AP3B2: variants seen among roughly 807,000 people sequenced by gnomAD.
AP3B2 encodes the protein AP-3 complex subunit beta-2.
Under a neutral mutation model 126.9 loss-of-function variants are expected in AP3B2, and 50 were observed. The ratio of observed to expected loss-of-function variants is 0.39; its 90% CI spans 0.31 to 0.50. The LOEUF (loss-of-function observed/expected upper bound fraction) is 0.50, where lower values mean the gene tolerates loss of function less well. Among genes scored for constraint, AP3B2 ranks in the 20% least tolerant of loss-of-function variants. AP3B2 has a pLI of 0.79. For synonymous variants in AP3B2, 541 were observed against 565.0 expected (o/e 0.96, Z 0.60); for missense variants, 1,177 against 1,426.4 (o/e 0.83, Z 2.82).
At chr15:82,668,013 G>A (rs577632861) in intron 14 of AP3B2, among the ~76,000 whole-genome samples, 9 of 152,322 alleles carry the variant, frequency 5.9e-5, no homozygotes, top group African/African-American at 2.2e-4. Flanking sequence ...AACTGACTCT[G>A]TTCTTCCTGA....
Position 82,664,477 on chromosome 15 carries a change from C to G in AP3B2, c.2151G>C (p.Glu717Asp). 2 of 1,613,542 alleles carry G rather than the reference C, an allele frequency of 1.2e-6. No homozygotes were observed. The highest frequency in any genetic ancestry group is 1.7e-6 in the Non-Finnish European group (2 of 1,179,722). ...TGCTGCTCTTACTGTCCGATTCACTCTCAGACTCAGGGTCTGTGGAGGAAC... is the reference window on the plus strand; with the variant it reads ...TGCTGCTCTTACTGTCCGATTCACTGTCAGACTCAGGGTCTGTGGAGGAAC... ...TESADSDPES[E>D]SESDSKSSSE... The change falls in exon 19 of 27, where the codon GAG (glutamate) becomes GAC (aspartate). Residue 717 changes from glutamate (E) to aspartate (D), a missense_variant. This residue lies in a region of AP3B2 where 587 missense variants were observed against 571.3 expected (regional missense o/e 1.03). Coordinates refer to ENST00000535359, the MANE Select transcript of AP3B2 (RefSeq NM_001278512.2). This position sits in a 1 kb window ranked among gnomAD's most constrained non-coding sequence, Gnocchi z 4.5.
At chr15:82,670,527 A>T (rs980967247) in intron 14 of AP3B2, among the ~76,000 whole-genome samples, 2 of 152,244 alleles carry the variant, frequency 1.3e-5, no homozygotes, top group Admixed American at 6.5e-5. Context: ...CCAGACCCCT[A>T]TCTCTCACCA....
At chr15:82,690,642 CTTTTT>C (rs147811093) in intron 1 of AP3B2, among the ~76,000 whole-genome samples, 57 of 68,904 alleles carry the variant, frequency 8.3e-4, no homozygotes, top group African/African-American at 3.1e-3. Flanking sequence ...TTTTCTTCTT[CTTTTT>C]TTTTTTTTTT....
Position 82,664,983 on chromosome 15 carries a change from T to A in AP3B2, c.2029-40A>T. Reference sequence around the variant, plus strand: ...AGGGTGCAGGGTCATTTCATCATGGTTGGGGAGAAGGCAGGCAGGCACAAG... The same window carrying A: ...AGGGTGCAGGGTCATTTCATCATGGATGGGGAGAAGGCAGGCAGGCACAAG... On this transcript the variant is annotated intron_variant, in intron 17 of 26. Coordinates refer to ENST00000535359, the MANE Select transcript of AP3B2 (RefSeq NM_001278512.2). The surrounding 1 kb of genome is among the most constrained non-coding windows in gnomAD (Gnocchi z 4.5). The A allele has an allele frequency of 2.0e-6, 3 of 1,484,420 alleles. No homozygotes were observed. The highest frequency in any genetic ancestry group is 2.8e-6 in the Non-Finnish European group (3 of 1,077,662). The allele number at this position is 1,484,420 out of a possible 1,614,324, so 92.0% of individuals were successfully genotyped here. A position where few individuals can be genotyped will look rare whatever the true frequency, so the allele number is the denominator to read the frequency against.
rs77591816 is a variant in AP3B2 at position 82,677,914 on chromosome 15, G to T, written c.1246-111C>A. 2,750 of 1,406,910 alleles carry T rather than the reference G, an allele frequency of 2.0e-3. 87 individuals carry two copies. In the Admixed American group the frequency reaches 0.058, roughly 30 times the overall value. 87.2% of individuals were successfully genotyped at this position (1,406,910 alleles called of 1,614,324 possible). On this transcript the variant is annotated intron_variant, in intron 11 of 26. Coordinates refer to ENST00000535359, the MANE Select transcript of AP3B2 (RefSeq NM_001278512.2). ...CTTATCATGCCGGTGACTAAGACTT[G>T]GGAAAGGGGGTGACAACTCCACCCC...
intron 4 of AP3B2, chr15:82,686,648 G>C (rs1181574507): frequency 6.6e-6 from 1 of 151,912 alleles, no homozygotes; most frequent in Non-Finnish European, 1.5e-5. Flanking sequence ...TTTAGATACA[G>C]GGTCTCCCTA....
At chr15:82,706,161 C>G (rs983294146) in intron 1 of AP3B2, among the ~76,000 whole-genome samples, 1 of 152,156 alleles carries the variant, frequency 6.6e-6, no homozygotes, top group Non-Finnish European at 1.5e-5. Flanking sequence ...AAATCACAAA[C>G]TATGCTCAAC....
At chr15:82,689,553 C>G in intron 1 of AP3B2, 100 bp from the exon 2 acceptor site, 3 of 1,170,122 alleles carry the variant, frequency 2.6e-6, no homozygotes, top group Non-Finnish European at 3.7e-6. Context: ...CCAGGGGAGG[C>G]TCAGGCAGGA....
chr15:82,679,235 A>C (rs1235458623), intron 10 of AP3B2, among the ~76,000 whole-genome samples: 1 of 152,124 alleles, frequency 6.6e-6, no homozygotes, highest in East Asian at 1.9e-4. Flanking sequence ...GCAATTCTCT[A>C]GCCTCAGCCT....
Position 82,665,322 on chromosome 15 carries a change from G to GTGTT in AP3B2, c.1972-23_1972-20dup. 6.3e-7 allele frequency: 1 copy of GTGTT among 1,580,316 alleles called. No homozygotes were observed. The highest frequency in any genetic ancestry group is 8.5e-7 in the Non-Finnish European group (1 of 1,170,500). On this transcript the variant is annotated intron_variant, in intron 16 of 26. Coordinates refer to ENST00000535359, the MANE Select transcript of AP3B2 (RefSeq NM_001278512.2). This position sits in a 1 kb window ranked among gnomAD's most constrained non-coding sequence, Gnocchi z 4.4. The stretch of plus-strand genomic sequence containing the variant: ...CTTCTTCCTGTGTGTGTGGGGGAGG[G>GTGTT]TGTTAGGAGGGCTGGGCCGGCACTG...
chr15:82,664,261 C>G lies in AP3B2; in HGVS notation c.2261+106G>C. On this transcript the variant is annotated intron_variant, in intron 19 of 26. Transcript: ENST00000535359. The surrounding 1 kb of genome is among the most constrained non-coding windows in gnomAD (Gnocchi z 4.5). ...TGAGCTGACAGCCCCACCCAGCTCA[C>G]GAGGGGCTCAGGGGCTCTTAGGAGA... is the stretch of plus-strand genomic sequence containing the variant. 4 of 1,557,704 alleles carry G rather than the reference C, an allele frequency of 2.6e-6. No homozygotes were observed. In the South Asian group the frequency reaches 3.4e-5, roughly 13 times the overall value.
intron 1 of AP3B2, among the ~76,000 whole-genome samples, chr15:82,706,755 G>A (rs562891880): frequency 6.6e-6 from 1 of 152,202 alleles, no homozygotes; most frequent in Admixed American, 6.5e-5. Context: ...CCTCTTCCAT[G>A]TAGGTTACAA....
At position 82,663,190 on chromosome 15, in the gene AP3B2, C is replaced by T; in HGVS notation, c.2541G>A (p.Val847=). Residue 847 remains valine (V), a synonymous_variant, in exon 22 of 27, where the codon GTG becomes GTA. Coordinates refer to ENST00000535359, the MANE Select transcript of AP3B2 (RefSeq NM_001278512.2). ...CCAGGTCAGCAGCCAGACTGGTAGA[C>T]ACAATTGCTGGGGGAGACACAGGCT... The part of the protein sequence containing the change: ...SVQPVSPPAI[V]STSLAADLEG... 1 of 1,613,116 alleles carries T rather than the reference C, an allele frequency of 6.2e-7. No homozygotes were observed. The highest frequency in any genetic ancestry group is 8.5e-7 in the Non-Finnish European group (1 of 1,179,762).
At position 82,680,337 on chromosome 15, in the gene AP3B2, A is replaced by G; in HGVS notation, c.1056-108T>C. The G allele has an allele frequency of 1.3e-6, 2 of 1,541,548 alleles. No homozygotes were observed. Among genetic ancestry groups the G allele is most frequent in the Non-Finnish European group, 1.8e-6 (2 of 1,135,952 alleles). On this transcript the variant is annotated intron_variant, in intron 8 of 26. Coordinates refer to ENST00000535359, the MANE Select transcript of AP3B2 (RefSeq NM_001278512.2). The surrounding 1 kb of genome is among the most constrained non-coding windows in gnomAD (Gnocchi z 6.1). ...CGTTGCGGGGAGAGGACCAGTGCGGAGGGCAGGACTACGGTCAGTGTGGAG... is the reference window on the plus strand; with the variant it reads ...CGTTGCGGGGAGAGGACCAGTGCGGGGGGCAGGACTACGGTCAGTGTGGAG...
intron 4 of AP3B2, among the ~76,000 whole-genome samples, chr15:82,682,844 T>C (rs979732565): frequency 2.6e-5 from 4 of 151,712 alleles, no homozygotes; most frequent in Non-Finnish European, 4.4e-5. Context: ...CCCAACACTT[T>C]GGGAGGCTGA....
intron 14 of AP3B2, 80 bp downstream of exon 14, chr15:82,676,381 G>A (rs974995097): frequency 2.1e-6 from 3 of 1,455,462 alleles, no homozygotes; most frequent in Non-Finnish European, 2.8e-6. Flanking sequence ...GTTCAGCCCT[G>A]CCTAGGGAGG....
At chr15:82,675,014 C>T (rs1194405974) in intron 14 of AP3B2, among the ~76,000 whole-genome samples, 1 of 152,184 alleles carries the variant, frequency 6.6e-6, no homozygotes, top group Non-Finnish European at 1.5e-5. Context: ...CTGGGTGGCT[C>T]CCCACCCAGG....
At chr15:82,678,209 C>G in intron 10 of AP3B2, 42 bp from the exon 11 acceptor site, 1 of 1,584,698 alleles carries the variant, frequency 6.3e-7, no homozygotes, top group South Asian at 1.1e-5. Context: ...GTGGGTTGGC[C>G]AGTGGACTTT....
At chr15:82,663,310 G>T in intron 21 of AP3B2, 77 bp from the exon 22 acceptor site, 1 of 1,219,248 alleles carries the variant, frequency 8.2e-7, no homozygotes, top group Non-Finnish European at 1.2e-6. Context: ...GGATCAAGGA[G>T]CACGCATTTC....
Sources: gnomAD v4.1 joint callset for allele counts (sites outside exome capture counted in the v4.1 genomes callset) on GRCh38, gnomAD v4.1.1 for gene constraint, gnomAD v4.1.1 regional missense constraint, Gnocchi (gnomAD v3.1) non-coding constraint, MANE v1.5 for transcripts, NCBI Gene and HGNC (gene_info 2026-07-23, HGNC 2026-07-21) for gene names.